GAS2L3: variants seen among roughly 807,000 people sequenced by gnomAD.
GAS2L3 encodes the protein growth arrest specific 2 like 3.
GAS2L3 carries 28 observed loss-of-function variants against 37.0 expected under a neutral mutation model. The ratio of observed to expected loss-of-function variants is 0.76; its 90% CI spans 0.56 to 1.04. The LOEUF (loss-of-function observed/expected upper bound fraction) is 1.04, where lower values mean the gene tolerates loss of function less well. GAS2L3 is among the 50% of genes least tolerant of loss of function. The probability of loss-of-function intolerance (pLI) is 0.00; values close to 1 mark genes in which losing one functional copy is unlikely to be tolerated. For missense variants in GAS2L3, 793 were observed against 817.6 expected (o/e 0.97, Z 0.37); for synonymous variants, 290 against 296.6 (o/e 0.98, Z 0.23).
At chr12:100,618,778 T>A (rs906637659) in intron 8 of GAS2L3, 191 bp downstream of exon 8, 2 of 494,622 alleles carry the variant, frequency 4.0e-6, no homozygotes, top group Non-Finnish European at 6.8e-6. Flanking sequence ...TTATTGCTTG[T>A]GTATGATGAG....
chr12:100,592,132 T>C (rs1457706066), intron 2 of GAS2L3, among the ~76,000 whole-genome samples: 1 of 152,140 alleles, frequency 6.6e-6, no homozygotes, highest in African/African-American at 2.4e-5. Context: ...AAAATCTTAC[T>C]GGTACAGTTG....
chr12:100,624,554 A>C lies in GAS2L3; in HGVS notation c.1749A>C (p.Ile583=). 1 of 1,614,084 alleles carries C rather than the reference A, an allele frequency of 6.2e-7. No homozygotes were observed. The highest frequency in any genetic ancestry group is 8.5e-7 in the Non-Finnish European group (1 of 1,180,026). The change falls in exon 10 of 10, where the codon ATA becomes ATC. Residue 583 remains isoleucine (I), a synonymous_variant. Coordinates refer to ENST00000547754, the MANE Select transcript of GAS2L3 (RefSeq NM_174942.3). ...KATQKSKDKN[I]VSATKKQPQN... is the part of the protein sequence containing the mutation. ...CACAGAAATCAAAAGATAAGAATATAGTTTCAGCTACCAAAAAGCAGCCTC... is the reference window on the plus strand; with the variant it reads ...CACAGAAATCAAAAGATAAGAATATCGTTTCAGCTACCAAAAAGCAGCCTC...
intron 9 of GAS2L3, 54 bp from the exon 10 acceptor site, chr12:100,623,508 A>G: frequency 6.7e-7 from 1 of 1,489,482 alleles, no homozygotes. Flanking sequence ...AATGAATTGT[A>G]ACTATAAACC....
rs758749849 is a variant in GAS2L3 at position 100,622,373 on chromosome 12, C to G, written c.747C>G (p.Leu249=). The change falls in exon 9 of 10, where the codon CTC becomes CTG. Residue 249 remains leucine (L), a synonymous_variant. Transcript: ENST00000547754. ...EGRYRLGDKI[L]FIRMLHGKHV... ...GGTACCGACTAGGGGATAAAATACT[C>G]TTTATAAGAGTAAGTCCATTATTTA... The G allele has an allele frequency of 1.3e-5, 20 of 1,484,822 alleles. No homozygotes were observed. The highest frequency in any genetic ancestry group is 1.8e-5 in the Non-Finnish European group (19 of 1,067,524). The allele number at this position is 1,484,822 out of a possible 1,614,324, so 92.0% of individuals were successfully genotyped here.
chr12:100,624,887 A>G lies in GAS2L3; in HGVS notation c.2082A>G (p.Lys694=), dbSNP rs779644345. The part of the protein sequence containing the change: ...FVMTGSKKPR[K] The stretch of plus-strand genomic sequence containing the variant: ...TGACTGGAAGTAAGAAACCTAGAAA[A>G]TAAATACATACTCATTATAAAAAAA... Residue 694 remains lysine (K), a synonymous_variant, in exon 10 of 10, where the codon AAA becomes AAG. Coordinates refer to ENST00000547754, the MANE Select transcript of GAS2L3 (RefSeq NM_174942.3). 1 of 1,561,082 alleles carries G rather than the reference A, an allele frequency of 6.4e-7. No individual in the cohort carries two copies. The highest frequency in any genetic ancestry group is 1.2e-5 in the South Asian group (1 of 86,340).
chr12:100,600,514 C>A lies in GAS2L3; in HGVS notation c.151C>A (p.Gln51Lys). The A allele has an allele frequency of 6.2e-7, 1 of 1,613,766 alleles. No homozygotes were observed. The highest frequency in any genetic ancestry group is 1.7e-4 in the Middle Eastern group (1 of 6,052). ...GCATGAAGCCACTTTGTTGCCCATG[C>A]AAGAAGATCTGTCAATCTGGTTATC... ...VRHEATLLPM[Q>K]EDLSIWLSGL... Residue 51 changes from glutamine to lysine, a missense_variant, in exon 4 of 10, where the codon CAA becomes AAA. Transcript: ENST00000547754.
In GAS2L3 at chr12:100,601,749, CAG is replaced by C. The variant is rs781759702; in HGVS notation, c.300_301del (p.Gly101GlufsTer10). On this transcript the variant is annotated frameshift_variant and splice_region_variant, in exon 5 of 10. Transcript: ENST00000547754. LOFTEE classifies it high-confidence loss of function. ...GTGAAAACATGCAACTCTGAAGAATCAGGGGTAAGTAAATGTTCGACAGTATT... is the reference window on the plus strand; with the variant it reads ...GTGAAAACATGCAACTCTGAAGAATCGGGTAAGTAAATGTTCGACAGTATT... 2.6e-5 allele frequency: 40 copies of C among 1,523,066 alleles called. 1 individual carries two copies. The highest frequency in any genetic ancestry group is 2.2e-4 in the African/African-American group (16 of 72,774). 94.3% of individuals were successfully genotyped at this position (1,523,066 alleles called of 1,614,324 possible). A position where few individuals can be genotyped will look rare whatever the true frequency, so the allele number is the denominator to read the frequency against.
At chr12:100,610,092 C>T (rs917607251) in intron 5 of GAS2L3, among the ~76,000 whole-genome samples, 3 of 152,136 alleles carry the variant, frequency 2.0e-5, no homozygotes, top group East Asian at 1.9e-4. Context: ...AGACGAATGG[C>T]GTAGGTTTGT....
Position 100,591,736 on chromosome 12 carries a change from A to G in GAS2L3, c.-151A>G, listed in dbSNP as rs886875315. On this transcript the variant is annotated splice_region_variant and 5_prime_UTR_variant, in exon 2 of 10. Coordinates refer to ENST00000547754, the MANE Select transcript of GAS2L3 (RefSeq NM_174942.3). ...GAAATGGTCATATTTCATTTTACAGATCAGAACACTGAGGCTCAGAGAAGT... is the reference window on the plus strand; with the variant it reads ...GAAATGGTCATATTTCATTTTACAGGTCAGAACACTGAGGCTCAGAGAAGT... The G allele has an allele frequency of 6.6e-6, 1 of 152,096 alleles. No individual in the cohort carries two copies. Among genetic ancestry groups the G allele is most frequent in the Non-Finnish European group, 1.5e-5 (1 of 68,006 alleles). The allele number at this position is 152,096 out of a possible 1,614,324, so 9.4% of individuals were successfully genotyped here.
chr12:100,591,599 A>C (rs1188709885), intron 1 of GAS2L3, 137 bp from the exon 2 acceptor site: 2 of 152,190 alleles, frequency 1.3e-5, no homozygotes, highest in Non-Finnish European at 2.9e-5. Flanking sequence ...TATCAAATGA[A>C]CTACAATTAT....
chr12:100,625,033 C>A lies in GAS2L3; in HGVS notation c.*143C>A. 1.6e-6 allele frequency: 1 copy of A among 639,522 alleles called. No individual in the cohort carries two copies. Among genetic ancestry groups the A allele is most frequent in the Non-Finnish European group, 2.6e-6 (1 of 377,398 alleles). The allele number at this position is 639,522 out of a possible 1,614,324, so 39.6% of individuals were successfully genotyped here. On this transcript the variant is annotated 3_prime_UTR_variant, in exon 10 of 10. Coordinates refer to ENST00000547754, the MANE Select transcript of GAS2L3 (RefSeq NM_174942.3). ...TGGAGGCTGGGATGAGGAAAGGGTT[C>A]ATCAGAATTCACATATCTGAATTCA...
intron 4 of GAS2L3, 71 bp downstream of exon 4, chr12:100,600,621 T>C (rs1955976148): frequency 8.4e-7 from 1 of 1,190,960 alleles, no homozygotes; most frequent in Non-Finnish European, 1.2e-6. Context: ...CCTTACTCTT[T>C]GTCAAGGAGT....
chr12:100,596,522 T>A (rs1007301524), intron 3 of GAS2L3, among the ~76,000 whole-genome samples: 46 of 152,098 alleles, frequency 3.0e-4, no homozygotes, highest in South Asian at 8.3e-4. Context: ...CTCATGGAGG[T>A]TTTTGCTGCT....
chr12:100,617,450 GAAAGATCTGAA>G (rs1956201605), intron 6 of GAS2L3, among the ~76,000 whole-genome samples: 1 of 152,048 alleles, frequency 6.6e-6, no homozygotes. Flanking sequence ...ATCTCTTGTT[GAAAGATCTGAA>G]ACATAAGCAA....
At chr12:100,590,806 T>C (rs1955837287) in intron 1 of GAS2L3, among the ~76,000 whole-genome samples, 2 of 152,192 alleles carry the variant, frequency 1.3e-5, no homozygotes, top group Admixed American at 6.5e-5. Flanking sequence ...TTGAAGACTA[T>C]TATTCTAAGT....
intron 1 of GAS2L3, chr12:100,578,879 A>G: frequency 1.3e-6 from 1 of 780,924 alleles, no homozygotes; most frequent in Non-Finnish European, 2.3e-6. Flanking sequence ...CTACCCAAAT[A>G]TGGGAGGTGT....
At chr12:100,581,899 T>A (rs1955717263) in intron 1 of GAS2L3, among the ~76,000 whole-genome samples, 1 of 152,234 alleles carries the variant, frequency 6.6e-6, no homozygotes, top group African/African-American at 2.4e-5. Flanking sequence ...GGAAATGAGA[T>A]TTAAAGTTAG....
intron 5 of GAS2L3, among the ~76,000 whole-genome samples, chr12:100,601,964 G>C (rs778536775): frequency 6.6e-6 from 1 of 152,080 alleles, no homozygotes; most frequent in South Asian, 2.1e-4. Context: ...TCAAGATCTG[G>C]AAAAATGTTC....
At chr12:100,580,751 A>G (rs1044232704) in intron 1 of GAS2L3, among the ~76,000 whole-genome samples, 1 of 152,244 alleles carries the variant, frequency 6.6e-6, no homozygotes, top group Non-Finnish European at 1.5e-5. Context: ...AAGATAGTCC[A>G]TCAGTTACCA....
Sources: gnomAD v4.1 joint callset for allele counts (sites outside exome capture counted in the v4.1 genomes callset) on GRCh38, gnomAD v4.1.1 for gene constraint, MANE v1.5 for transcripts, NCBI Gene and HGNC (gene_info 2026-07-23, HGNC 2026-07-21) for gene names.